CAND1: variants seen among roughly 807,000 people sequenced by gnomAD.
CAND1 encodes the protein cullin-associated NEDD8-dissociated protein 1.
In CAND1, 7 loss-of-function variants were observed where a neutral mutation model predicts 108.5. The observed-to-expected ratio is 0.06, with a 90% CI of 0.04 to 0.12. The LOEUF is 0.12. Among genes scored for constraint, CAND1 ranks in the 10% least tolerant of loss-of-function variants. The pLI is 1.00. For synonymous variants in CAND1, 534 were observed against 512.0 expected (o/e 1.04, Z -0.58); for missense variants, 941 against 1,448.7 (o/e 0.65, Z 5.69).
In CAND1 at chr12:67,317,433, A is replaced by G. The variant is rs944570528; in HGVS notation, c.*4603A>G. Reference sequence around the variant, plus strand: ...ATTGCAAGTGCCTCCTTGCCCAGCCACATGTTGTTGATTTCTTTTTTCTTT... The same window carrying G: ...ATTGCAAGTGCCTCCTTGCCCAGCCGCATGTTGTTGATTTCTTTTTTCTTT... On this transcript the variant is annotated 3_prime_UTR_variant, in exon 15 of 15. Coordinates refer to ENST00000545606, the MANE Select transcript of CAND1 (RefSeq NM_018448.5). 1.3e-5 allele frequency: 2 copies of G among 150,128 alleles called. No homozygotes were observed. Among genetic ancestry groups the G allele is most frequent in the Non-Finnish European group, 3.0e-5 (2 of 67,744 alleles). 9.3% of individuals were successfully genotyped at this position (150,128 alleles called of 1,614,324 possible). A position where few individuals can be genotyped will look rare whatever the true frequency, so the allele number is the denominator to read the frequency against.
At chr12:67,292,904 T>C (rs2044735562) in intron 3 of CAND1, 128 bp downstream of exon 3, 2 of 784,814 alleles carry the variant, frequency 2.5e-6, no homozygotes, top group East Asian at 2.6e-5. Context: ...GGAATCCCTT[T>C]GGACAATTAA....
chr12:67,318,318 A>T lies in CAND1; in HGVS notation c.*5488A>T, dbSNP rs1414867931. ...GACTCTACAGATAGATAGACATCAT[A>T]TATCATATTAGTTTGAATCCTGGCT... is the stretch of plus-strand genomic sequence containing the variant. On this transcript the variant is annotated 3_prime_UTR_variant, in exon 15 of 15. Transcript: ENST00000545606. The T allele has an allele frequency of 6.6e-6, 1 of 152,228 alleles. No individual in the cohort carries two copies. Among genetic ancestry groups the T allele is most frequent in the African/African-American group, 2.4e-5 (1 of 41,470 alleles). The allele number at this position is 152,228 out of a possible 1,614,324, so 9.4% of individuals were successfully genotyped here.
At position 67,295,060 on chromosome 12, in the gene CAND1, A is replaced by C; in HGVS notation, c.395A>C (p.Lys132Thr). The C allele has an allele frequency of 6.2e-7, 1 of 1,612,890 alleles. No individual in the cohort carries two copies. Among genetic ancestry groups the C allele is most frequent in the Non-Finnish European group, 8.5e-7 (1 of 1,179,274 alleles). Residue 132 changes from lysine to threonine, a missense_variant, in exon 4 of 15, where the codon AAA becomes ACA. This residue lies in a region of CAND1 where 697 missense variants were observed against 942.0 expected (regional missense o/e 0.74). Transcript: ENST00000545606. Reference protein sequence around the residue: ...SGSALAANVCKKITGRLTSAI... With the variant: ...SGSALAANVCTKITGRLTSAI... ...TCTGCATTAGCTGCTAATGTATGTA[A>C]AAAGATTACTGGACGTCTTACAAGT...
chr12:67,279,997 A>G (rs991962117), intron 1 of CAND1, among the ~76,000 whole-genome samples: 1 of 152,182 alleles, frequency 6.6e-6, no homozygotes, highest in Non-Finnish European at 1.5e-5. Flanking sequence ...TTAATGTGTT[A>G]TGCAATTTTT....
At position 67,304,165 on chromosome 12, in the gene CAND1, T is replaced by G. The variant is rs577860098; in HGVS notation, c.1294-440T>G. Among the ~76,000 whole-genome samples the G allele has an allele frequency of 2.0e-5, 3 of 152,130 alleles. No individual in the cohort carries two copies. In the South Asian group the frequency reaches 6.2e-4, roughly 32 times the overall value. ...CCACCACGCCCAGCTAATTTTTGTATTTTTAATAGAGACAGGGTTTCACCA... is the reference window on the plus strand; with the variant it reads ...CCACCACGCCCAGCTAATTTTTGTAGTTTTAATAGAGACAGGGTTTCACCA... On this transcript the variant is annotated intron_variant, in intron 8 of 14. Coordinates refer to ENST00000545606, the MANE Select transcript of CAND1 (RefSeq NM_018448.5).
chr12:67,294,364 G>A (rs1053588922), intron 3 of CAND1, among the ~76,000 whole-genome samples: 5 of 152,204 alleles, frequency 3.3e-5, no homozygotes, highest in African/African-American at 1.2e-4. Context: ...CTTTGGGTTG[G>A]AAAGGACCTT....
chr12:67,296,546 TGCCTCA>T (rs1193702267), intron 4 of CAND1, among the ~76,000 whole-genome samples: 1 of 151,862 alleles, frequency 6.6e-6, no homozygotes, highest in African/African-American at 2.4e-5. Context: ...GTGATTCTCG[TGCCTCA>T]GCTTCCTGAG....
In CAND1 at chr12:67,269,544, G is replaced by A. The variant is rs1592597754; in HGVS notation, c.-174G>A. 3.5e-6 allele frequency: 2 copies of A among 577,330 alleles called. No homozygotes were observed. Among genetic ancestry groups the A allele is most frequent in the Non-Finnish European group, 6.0e-6 (2 of 334,568 alleles). 35.8% of individuals were successfully genotyped at this position (577,330 alleles called of 1,614,324 possible). ...CCCGGGACAGGCCCACGCCTCGCCAGGGAGGGGGCAGCCCGTCGAGGCGCC... is the reference window on the plus strand; with the variant it reads ...CCCGGGACAGGCCCACGCCTCGCCAAGGAGGGGGCAGCCCGTCGAGGCGCC... On this transcript the variant is annotated 5_prime_UTR_variant, in exon 1 of 15. Coordinates refer to ENST00000545606, the MANE Select transcript of CAND1 (RefSeq NM_018448.5).
chr12:67,298,696 C>G (rs1287261711), intron 6 of CAND1, among the ~76,000 whole-genome samples: 1 of 152,094 alleles, frequency 6.6e-6, no homozygotes, highest in Admixed American at 6.6e-5. Flanking sequence ...GTCTATACTG[C>G]CATACATTAA....
At chr12:67,285,106 A>G (rs1283933953) in intron 2 of CAND1, among the ~76,000 whole-genome samples, 2 of 152,232 alleles carry the variant, frequency 1.3e-5, no homozygotes, top group African/African-American at 2.4e-5. Flanking sequence ...TACAATAGAA[A>G]GGAACACCCA....
intron 1 of CAND1, among the ~76,000 whole-genome samples, chr12:67,274,072 G>C (rs943523819): frequency 6.6e-6 from 1 of 152,150 alleles, no homozygotes; most frequent in African/African-American, 2.4e-5. Context: ...TGACCACCCA[G>C]CTATGTCACT....
At chr12:67,309,318 G>A (rs1170607871) in intron 11 of CAND1, among the ~76,000 whole-genome samples, 2 of 151,802 alleles carry the variant, frequency 1.3e-5, no homozygotes, top group African/African-American at 4.8e-5. Context: ...TCCTATGTTA[G>A]CTTTCAATTT....
chr12:67,274,879 T>A (rs1359418780), intron 1 of CAND1, among the ~76,000 whole-genome samples: 1 of 152,172 alleles, frequency 6.6e-6, no homozygotes, highest in African/African-American at 2.4e-5. Context: ...ACCTTAGAGA[T>A]CCTATCATAT....
rs878953072 is a variant in CAND1 at position 67,302,218 on chromosome 12, A to G, written c.1001-105A>G. ...ACCTGTTGCTGTATATGTTACCGGA[A>G]AGTTAGATTAACTGATTTGGTTAAG... On this transcript the variant is annotated intron_variant, in intron 7 of 14. Transcript: ENST00000545606. The G allele has an allele frequency of 4.0e-6, 4 of 998,836 alleles. No homozygotes were observed. In the South Asian group the frequency reaches 6.3e-5, roughly 16 times the overall value. 61.9% of individuals were successfully genotyped at this position (998,836 alleles called of 1,614,324 possible). A position where few individuals can be genotyped will look rare whatever the true frequency, so the allele number is the denominator to read the frequency against.
rs777493077 is a variant in CAND1 at position 67,295,103 on chromosome 12, A to G, written c.438A>G (p.Glu146=). The change falls in exon 4 of 15, where the codon GAA becomes GAG. Residue 146 remains glutamate (E), a synonymous_variant. Coordinates refer to ENST00000545606, the MANE Select transcript of CAND1 (RefSeq NM_018448.5). ...GRLTSAIAKQ[E]DVSVQLEALD... ...TTACAAGTGCAATAGCAAAACAGGA[A>G]GATGTCTCTGTTCAGCTAGAAGCCT... The G allele has an allele frequency of 3.7e-6, 6 of 1,613,260 alleles. No homozygotes were observed. The highest frequency in any genetic ancestry group is 4.2e-6 in the Non-Finnish European group (5 of 1,179,422).
chr12:67,282,193 T>C, intron 2 of CAND1, 140 bp downstream of exon 2: 1 of 781,766 alleles, frequency 1.3e-6, no homozygotes, highest in Non-Finnish European at 2.1e-6. Context: ...AGGTGACTAA[T>C]GTTTAGTGTT....
chr12:67,297,354 C>A, intron 4 of CAND1, 53 bp from the exon 5 acceptor site: 1 of 1,539,970 alleles, frequency 6.5e-7, no homozygotes, highest in Non-Finnish European at 8.9e-7. Context: ...TAGTAGTGGC[C>A]AGGCATCTTG....
Position 67,282,056 on chromosome 12 carries a change from A to G in CAND1, c.212+3A>G. 1 of 1,611,384 alleles carries G rather than the reference A, an allele frequency of 6.2e-7. No individual in the cohort carries two copies. The highest frequency in any genetic ancestry group is 1.7e-4 in the Middle Eastern group (1 of 6,050). Reference sequence around the variant, plus strand: ...GTACAGAATTTAGCTGTCAAATGGTAAGTTGTTTTTTACTGGTTGAGTCTT... The same window carrying G: ...GTACAGAATTTAGCTGTCAAATGGTGAGTTGTTTTTTACTGGTTGAGTCTT... On this transcript the variant is annotated splice_donor_region_variant and intron_variant, in intron 2 of 14. Transcript: ENST00000545606.
chr12:67,298,514 T>C (rs957431104), intron 6 of CAND1, among the ~76,000 whole-genome samples: 12 of 152,188 alleles, frequency 7.9e-5, no homozygotes, highest in Non-Finnish European at 4.4e-5. Flanking sequence ...CAAAGTATTC[T>C]TTTATTTGCT....
Sources: gnomAD v4.1 joint callset for allele counts (sites outside exome capture counted in the v4.1 genomes callset) on GRCh38, gnomAD v4.1.1 for gene constraint, gnomAD v4.1.1 regional missense constraint, MANE v1.5 for transcripts, NCBI Gene and HGNC (gene_info 2026-07-23, HGNC 2026-07-21) for gene names.